PRKAR1A: variants seen among roughly 807,000 people sequenced by gnomAD.
PRKAR1A encodes protein kinase cAMP-dependent type I regulatory subunit alpha, also known as cAMP-dependent protein kinase type I-alpha regulatory subunit.
Under a neutral mutation model 52.0 loss-of-function variants are expected in PRKAR1A, and 3 were observed. The ratio of observed to expected loss-of-function variants is 0.06; its 90% CI spans 0.03 to 0.15. PRKAR1A has a LOEUF of 0.15. PRKAR1A is among the 10% of genes least tolerant of loss of function. PRKAR1A has a pLI of 1.00. For missense variants in PRKAR1A, 240 were observed against 477.4 expected, an observed-to-expected ratio of 0.50 and a Z score of 4.63; for synonymous variants, 188 against 168.4, an observed-to-expected ratio of 1.12 and a Z score of -0.90.
chr17:68,533,580 TTATCTC>T (rs1329500670), downstream of PRKAR1A: 6 of 353,366 alleles, frequency 1.7e-5, no homozygotes, highest in African/African-American at 2.2e-5. Flanking sequence ...TCATACTACT[TTATCTC>T]TAACCACAAA....
the PRKAR1A span, among the ~76,000 whole-genome samples, chr17:68,478,948 G>T: frequency 6.6e-6 from 1 of 152,070 alleles, no homozygotes; most frequent in African/African-American, 2.4e-5. Flanking sequence ...GGCTGGTCTC[G>T]AACTCCCAAC....
chr17:68,487,803 C>G, the PRKAR1A span, among the ~76,000 whole-genome samples: 61 of 121,632 alleles, frequency 5.0e-4, no homozygotes, highest in African/African-American at 2.0e-3. Context: ...TCATCTCAGA[C>G]AAAAAAAAAA....
chr17:68,470,735 A>G, the PRKAR1A span, among the ~76,000 whole-genome samples: 1 of 152,228 alleles, frequency 6.6e-6, no homozygotes, highest in South Asian at 2.1e-4. Context: ...TTTGTGAAGC[A>G]TGCACTGTGT....
chr17:68,532,387 T>G lies in PRKAR1A; in HGVS notation c.*1938T>G. On this transcript the variant is annotated 3_prime_UTR_variant, in exon 11 of 11. Transcript: ENST00000589228. ...ATGCTTTCTGAGTGAGTTTTACTCT[T>G]AAATCATTTGGTTAAATCATTTGGC... 4.7e-6 allele frequency: 5 copies of G among 1,056,542 alleles called. No homozygotes were observed. Among genetic ancestry groups the G allele is most frequent in the Admixed American group, 5.3e-5 (1 of 18,734 alleles). 65.4% of individuals were successfully genotyped at this position (1,056,542 alleles called of 1,614,324 possible).
chr17:68,499,680 T>A, the PRKAR1A span, among the ~76,000 whole-genome samples: 1 of 152,272 alleles, frequency 6.6e-6, no homozygotes, highest in Non-Finnish European at 1.5e-5. Flanking sequence ...ACTACAATTT[T>A]CTTCAGTATA....
chr17:68,517,410 T>G lies in PRKAR1A; in HGVS notation c.177+1834T>G, dbSNP rs142159317. Among the ~76,000 whole-genome samples the G allele has an allele frequency of 2.5e-3, 386 of 152,306 alleles. 1 individual carries two copies. Among genetic ancestry groups the G allele is most frequent in the African/African-American group, 8.8e-3 (364 of 41,560 alleles). On this transcript the variant is annotated intron_variant, in intron 2 of 10. Transcript: ENST00000589228. ...CATAAAGGAAAGAGGTTTAATTGAC[T>G]CACAATTCAGCATGGCTGGGGAGGC...
In PRKAR1A at chr17:68,532,068, C is replaced by G. The variant is rs1030706692; in HGVS notation, c.*1619C>G. 3.8e-6 allele frequency: 4 copies of G among 1,065,166 alleles called. No individual in the cohort carries two copies. The highest frequency in any genetic ancestry group is 4.6e-6 in the Non-Finnish European group (4 of 879,056). The allele number at this position is 1,065,166 out of a possible 1,614,324, so 66.0% of individuals were successfully genotyped here. ...TTGTTACCAAGTATGAAGTATAAAT[C>G]TGGGGAAGAGGTTTTATTTACATTT... On this transcript the variant is annotated 3_prime_UTR_variant, in exon 11 of 11. Transcript: ENST00000589228.
At chr17:68,423,550 C>A in the PRKAR1A span, among the ~76,000 whole-genome samples, 8 of 152,322 alleles carry the variant, frequency 5.3e-5, no homozygotes, top group South Asian at 1.5e-3. The surrounding 1 kb of genome is among the most constrained non-coding windows in gnomAD (Gnocchi z 4.4). Context: ...ACCACTCTCA[C>A]TGGCAGGAAG....
rs2086015513 is a variant in PRKAR1A, at chr17:68,532,873, A to T, written c.*2424A>T. 1.9e-6 allele frequency: 2 copies of T among 1,066,194 alleles called. No homozygotes were observed. Among genetic ancestry groups the T allele is most frequent in the South Asian group, 9.1e-5 (2 of 21,990 alleles). The allele number at this position is 1,066,194 out of a possible 1,614,324, so 66.0% of individuals were successfully genotyped here. A position where few individuals can be genotyped will look rare whatever the true frequency, so the allele number is the denominator to read the frequency against. Reference sequence around the variant, plus strand: ...AAAATGAAAAGGGGGAAAGTGAATTATGGGATCGGTGTTTTGAAAGAGCAA... The same window carrying T: ...AAAATGAAAAGGGGGAAAGTGAATTTTGGGATCGGTGTTTTGAAAGAGCAA... On this transcript the variant is annotated 3_prime_UTR_variant, in exon 11 of 11. Coordinates refer to ENST00000589228, the MANE Select transcript of PRKAR1A (RefSeq NM_002734.5).
intron 9 of PRKAR1A, 72 bp from the exon 10 acceptor site, chr17:68,529,848 A>G: frequency 2.1e-6 from 3 of 1,400,908 alleles, no homozygotes; most frequent in East Asian, 2.3e-5. Flanking sequence ...TTAAAATTGC[A>G]TAGGATGTTT....
In PRKAR1A at chr17:68,541,154, G is replaced by A. The variant is rs79011414; in HGVS notation, c.974-9930G>A. 0.015 allele frequency: 10,452 copies of A among 696,376 alleles called. 784 individuals are homozygous for A. In the African/African-American group the frequency reaches 0.17, roughly 11 times the overall value. The allele number at this position is 696,376 out of a possible 1,614,324, so 43.1% of individuals were successfully genotyped here. A position where few individuals can be genotyped will look rare whatever the true frequency, so the allele number is the denominator to read the frequency against. On this transcript the variant is annotated intron_variant, in intron 11 of 11. Coordinates refer to the PRKAR1A transcript ENST00000585981. ...ATTCCGTGTGGTGAGAAGGTCCTGG[G>A]TCCTTTAAGTCTGGTGGACACTAAA...
At chr17:68,529,277 CTG>C (rs752237595) in intron 9 of PRKAR1A, among the ~76,000 whole-genome samples, 4 of 152,108 alleles carry the variant, frequency 2.6e-5, no homozygotes, top group Non-Finnish European at 5.9e-5. Context: ...ACATAACAAA[CTG>C]TGATGATTCT....
the PRKAR1A span, among the ~76,000 whole-genome samples, chr17:68,458,124 G>T: frequency 6.6e-6 from 1 of 152,218 alleles, no homozygotes; most frequent in South Asian, 2.1e-4. Flanking sequence ...CTGAAATGGG[G>T]CTGCCTCAGC....
Position 68,531,199 on chromosome 17 carries a change from C to T in PRKAR1A, c.*750C>T. ...GCAAATATTGGTTAGTATTTAACTA[C>T]ATCTGCCTCGGCTCACAAATTCCGA... On this transcript the variant is annotated 3_prime_UTR_variant, in exon 11 of 11. Transcript: ENST00000589228. The T allele has an allele frequency of 9.4e-7, 1 of 1,065,910 alleles. No individual in the cohort carries two copies. Among genetic ancestry groups the T allele is most frequent in the Non-Finnish European group, 1.1e-6 (1 of 879,188 alleles). The allele number at this position is 1,065,910 out of a possible 1,614,324, so 66.0% of individuals were successfully genotyped here. A position where few individuals can be genotyped will look rare whatever the true frequency, so the allele number is the denominator to read the frequency against.
chr17:68,526,895 C>T (rs573618385), intron 7 of PRKAR1A, among the ~76,000 whole-genome samples: 2 of 152,190 alleles, frequency 1.3e-5, no homozygotes, highest in East Asian at 1.9e-4. Flanking sequence ...ATAACCTGCA[C>T]ATGTACCCCT....
At chr17:68,486,449 CCCTCTT>C in the PRKAR1A span, among the ~76,000 whole-genome samples, 4 of 142,814 alleles carry the variant, frequency 2.8e-5, no homozygotes, top group South Asian at 2.4e-4. Flanking sequence ...TTCCTTCCTT[CCCTCTT>C]TCTTTCTTTC....
chr17:68,495,217 G>A, the PRKAR1A span, among the ~76,000 whole-genome samples: 2 of 152,094 alleles, frequency 1.3e-5, no homozygotes, highest in African/African-American at 2.4e-5. Flanking sequence ...TTCTTTTGTA[G>A]AAATGGGGTC....
the PRKAR1A span, among the ~76,000 whole-genome samples, chr17:68,457,726 A>T: frequency 3.3e-5 from 5 of 151,604 alleles, no homozygotes; most frequent in Admixed American, 6.6e-5. Context: ...GCTGGCGGGC[A>T]CCGCCCCCCT....
At chr17:68,489,366 A>ATATATATATATATATGGAAAG in the PRKAR1A span, among the ~76,000 whole-genome samples, 1 of 107,104 alleles carries the variant, frequency 9.3e-6, no homozygotes, top group African/African-American at 3.9e-5. Context: ...TATGGAAAGT[A>ATATATATATATATATGGAAAG]TATATATATA....
Sources: gnomAD v4.1 joint callset for allele counts (sites outside exome capture counted in the v4.1 genomes callset) on GRCh38, gnomAD v4.1.1 for gene constraint, Gnocchi (gnomAD v3.1) non-coding constraint, MANE v1.5 for transcripts, NCBI Gene and HGNC (gene_info 2026-07-23, HGNC 2026-07-21) for gene names.